OMA1: variants seen among roughly 807,000 people sequenced by gnomAD.
The protein encoded by OMA1 is metalloendopeptidase OMA1, mitochondrial.
In OMA1, 38 loss-of-function variants were observed where a neutral mutation model predicts 30.9. The observed-to-expected ratio is 1.23, with a 90% CI of 0.95 to 1.61. The LOEUF (loss-of-function observed/expected upper bound fraction) is 1.61, where lower values mean the gene tolerates loss of function less well. Among genes scored for constraint, OMA1 ranks in the 40% most tolerant of loss-of-function variants. OMA1 has a pLI of 0.00. For synonymous variants in OMA1, 173 were observed against 121.9 expected, an observed-to-expected ratio of 1.42 and a Z score of -2.76; for missense variants, 461 against 349.2, an observed-to-expected ratio of 1.32 and a Z score of -2.55.
chr1:58,486,171 G>GC (rs560457622), intron 8 of OMA1, among the ~76,000 whole-genome samples: 163 of 152,276 alleles, frequency 1.1e-3, no homozygotes, highest in African/African-American at 3.8e-3. Flanking sequence ...AAATGTCTAT[G>GC]CCAAAGAGAG....
Position 58,539,273 on chromosome 1 carries a change from G to A in OMA1, c.22C>T (p.Gln8Ter). The change falls in exon 2 of 9, where the codon CAG becomes TAG. Residue 8 changes from glutamine (Q) to a stop codon, truncating the protein, a stop_gained. Transcript: ENST00000371226. LOFTEE classifies it high-confidence loss of function. Reference protein sequence around the residue: MSFICGLQSAARNHVFFR... With the variant: MSFICGL Reference sequence around the variant, plus strand: ...AAAACATGGTTTCTAGCAGCAGACTGCAATCCACAGATGAAGCTCATTTTT... The same window carrying A: ...AAAACATGGTTTCTAGCAGCAGACTACAATCCACAGATGAAGCTCATTTTT... 2.3e-6 allele frequency: 2 copies of A among 854,172 alleles called. No individual in the cohort carries two copies. The highest frequency in any genetic ancestry group is 1.4e-5 in the South Asian group (1 of 72,764). The allele number at this position is 854,172 out of a possible 1,614,324, so 52.9% of individuals were successfully genotyped here.
At chr1:58,488,138 A>G (rs1028858703) in intron 8 of OMA1, among the ~76,000 whole-genome samples, 3 of 152,222 alleles carry the variant, frequency 2.0e-5, no homozygotes, top group African/African-American at 4.8e-5. Flanking sequence ...GTAAAAACTC[A>G]TGAAAATATA....
intron 8 of OMA1, among the ~76,000 whole-genome samples, chr1:58,488,695 C>T (rs1645619752): frequency 6.6e-6 from 1 of 152,192 alleles, no homozygotes; most frequent in Non-Finnish European, 1.5e-5. Flanking sequence ...CAGGTATCTC[C>T]TGCCTCGGCC....
chr1:58,480,878 C>A lies in OMA1; in HGVS notation c.*87G>T. On this transcript the variant is annotated 3_prime_UTR_variant, in exon 9 of 9. Coordinates refer to ENST00000371226, the MANE Select transcript of OMA1 (RefSeq NM_145243.5). ...TGACCCTGAATATCCTTTTTTTTTT[C>A]ACTTCAAACATCATTTTTTAAAAAG... 4.8e-6 allele frequency: 3 copies of A among 629,986 alleles called. No homozygotes were observed. Among genetic ancestry groups the A allele is most frequent in the Non-Finnish European group, 5.3e-6 (2 of 377,510 alleles). 39.0% of individuals were successfully genotyped at this position (629,986 alleles called of 1,614,324 possible).
At chr1:58,537,088 A>C (rs370930355) in intron 2 of OMA1, among the ~76,000 whole-genome samples, 1 of 137,728 alleles carries the variant, frequency 7.3e-6, no homozygotes, top group Non-Finnish European at 1.6e-5. Flanking sequence ...CTCTCTCTGT[A>C]TATATATATA....
At chr1:58,537,450 G>C (rs1039470031) in intron 2 of OMA1, among the ~76,000 whole-genome samples, 1 of 152,150 alleles carries the variant, frequency 6.6e-6, no homozygotes. Flanking sequence ...ACGTGAAAAA[G>C]GAGAGATAAC....
chr1:58,526,718 G>A (rs958593119), intron 7 of OMA1, among the ~76,000 whole-genome samples: 1 of 151,824 alleles, frequency 6.6e-6, no homozygotes, highest in African/African-American at 2.4e-5. Context: ...AGCTACAACA[G>A]GATCAACCTA....
chr1:58,546,345 G>A (rs1311169947), intron 1 of OMA1, among the ~76,000 whole-genome samples: 1 of 152,332 alleles, frequency 6.6e-6, no homozygotes, highest in Non-Finnish European at 1.5e-5. Context: ...TCTGAAAGCG[G>A]AGCCGCGGAT....
intron 7 of OMA1, among the ~76,000 whole-genome samples, chr1:58,506,999 C>T (rs2100418609): frequency 6.6e-6 from 1 of 152,086 alleles, no homozygotes; most frequent in South Asian, 2.1e-4. Flanking sequence ...ATGCACAGAA[C>T]ATATCTGAGA....
intron 7 of OMA1, among the ~76,000 whole-genome samples, chr1:58,508,526 G>A (rs1557446101): frequency 6.6e-6 from 1 of 152,110 alleles, no homozygotes; most frequent in Non-Finnish European, 1.5e-5. Context: ...CATAATCTGC[G>A]AGAGCAATTA....
intron 8 of OMA1, among the ~76,000 whole-genome samples, chr1:58,489,114 G>A (rs757531811): frequency 6.0e-4 from 92 of 152,292 alleles, no homozygotes; most frequent in Non-Finnish European, 9.7e-4. Flanking sequence ...TCGGTGCAGC[G>A]CACCGAGCGT....
intron 1 of OMA1, among the ~76,000 whole-genome samples, chr1:58,546,248 G>A (rs998279316): frequency 1.3e-5 from 2 of 152,254 alleles, no homozygotes; most frequent in Non-Finnish European, 2.9e-5. Context: ...GGGTGAAAGA[G>A]ACGAATGCCC....
At position 58,539,117 on chromosome 1, in the gene OMA1, T is replaced by C. The variant is rs761945457; in HGVS notation, c.178A>G (p.Arg60Gly). ...YQGLGVNQCD[R>G]WSFLPGNFHF... ...AAGTTTCCAGGCAGAAAACTCCACC[T>C]GTCACACTGATTTACTCCCAGTCCC... Residue 60 changes from arginine (R) to glycine (G), a missense_variant, in exon 2 of 9, where the codon AGG becomes GGG. Arg to Gly is a moderately radical substitution (Grantham distance 125). Transcript: ENST00000371226. 2 of 872,874 alleles carry C rather than the reference T, an allele frequency of 2.3e-6. No individual in the cohort carries two copies. The highest frequency in any genetic ancestry group is 3.3e-5 in the African/African-American group (2 of 61,332). The allele number at this position is 872,874 out of a possible 1,614,324, so 54.1% of individuals were successfully genotyped here.
At chr1:58,486,608 G>A (rs1387292382) in intron 8 of OMA1, among the ~76,000 whole-genome samples, 7 of 152,082 alleles carry the variant, frequency 4.6e-5, no homozygotes, top group Non-Finnish European at 7.3e-5. Flanking sequence ...GTGTACAAAG[G>A]CCTTACACAC....
intron 1 of OMA1, among the ~76,000 whole-genome samples, chr1:58,540,911 A>G (rs1000502202): frequency 5.9e-5 from 9 of 152,158 alleles, no homozygotes; most frequent in Non-Finnish European, 1.2e-4. Context: ...TCCTACACAA[A>G]AGAAACACAA....
chr1:58,481,076 T>C lies in OMA1; in HGVS notation c.1464A>G (p.Ser488=), dbSNP rs551484052. 7 of 872,112 alleles carry C rather than the reference T, an allele frequency of 8.0e-6. 1 individual carries two copies. Among genetic ancestry groups the C allele is most frequent in the South Asian group, 6.5e-5 (5 of 76,510 alleles). 54.0% of individuals were successfully genotyped at this position (872,112 alleles called of 1,614,324 possible). ...KLSTKHFLEE[S]EKEDLNITKK... ...TCGTGATATTTAGGTCTTCTTTCTCTGATTCTTCAAGAAAATGCTTCGTGC... is the reference window on the plus strand; with the variant it reads ...TCGTGATATTTAGGTCTTCTTTCTCCGATTCTTCAAGAAAATGCTTCGTGC... The change falls in exon 9 of 9, where the codon TCA becomes TCG. Residue 488 remains serine (S), a synonymous_variant. Coordinates refer to ENST00000371226, the MANE Select transcript of OMA1 (RefSeq NM_145243.5).
At chr1:58,513,086 C>G (rs1308102508) in intron 7 of OMA1, among the ~76,000 whole-genome samples, 1 of 152,116 alleles carries the variant, frequency 6.6e-6, no homozygotes, top group Non-Finnish European at 1.5e-5. Flanking sequence ...AACTGTCATC[C>G]AAACTGTAAT....
intron 7 of OMA1, among the ~76,000 whole-genome samples, chr1:58,526,605 A>G (rs1430090842): frequency 6.7e-6 from 1 of 149,456 alleles, no homozygotes; most frequent in Non-Finnish European, 1.5e-5. Context: ...GGCTAGCAAA[A>G]AAAAAAAAAA....
chr1:58,538,830 T>C lies in OMA1; in HGVS notation c.465A>G (p.Lys155=), dbSNP rs776949426. The C allele has an allele frequency of 8.1e-6, 7 of 864,080 alleles. No homozygotes were observed. Among genetic ancestry groups the C allele is most frequent in the African/African-American group, 1.6e-5 (1 of 60,680 alleles). The allele number at this position is 864,080 out of a possible 1,614,324, so 53.5% of individuals were successfully genotyped here. A position where few individuals can be genotyped will look rare whatever the true frequency, so the allele number is the denominator to read the frequency against. Residue 155 remains lysine, a synonymous_variant, in exon 2 of 9, where the codon AAA becomes AAG. Coordinates refer to ENST00000371226, the MANE Select transcript of OMA1 (RefSeq NM_145243.5). The stretch of plus-strand genomic sequence containing the variant: ...TGATTGCAAATAACTTCTGTACTGG[T>C]TTAAGAATCATCAACAAGAGAGGAA... ...APVPLLLMIL[K]PVQKLFAIIV...
Sources: gnomAD v4.1 joint callset for allele counts (sites outside exome capture counted in the v4.1 genomes callset) on GRCh38, gnomAD v4.1.1 for gene constraint, MANE v1.5 for transcripts, NCBI Gene and HGNC (gene_info 2026-07-23, HGNC 2026-07-21) for gene names.